Variants in DEGS2 observed in about 807,000 individuals in gnomAD.
DEGS2 encodes sphingolipid delta(4)-desaturase/C4-monooxygenase DES2.
A neutral mutation model predicts 23.8 loss-of-function variants in DEGS2; 19 were observed. The observed-to-expected ratio is 0.80, with a 90% CI of 0.56 to 1.17. DEGS2 has a LOEUF of 1.17. Among genes scored for constraint, DEGS2 ranks in the 50% most tolerant of loss-of-function variants. DEGS2 has a pLI of 0.00. For synonymous variants in DEGS2, 218 were observed against 213.7 expected, an observed-to-expected ratio of 1.02 and a Z score of -0.18; for missense variants, 390 against 459.5, an observed-to-expected ratio of 0.85 and a Z score of 1.38.
chr14:100,159,652 C>G (rs1232775797), upstream of DEGS2: 1 of 809,412 alleles, frequency 1.2e-6, no homozygotes, highest in Non-Finnish European at 1.6e-6. Context: ...TCGCGGCGGC[C>G]GCGGCGCGGA....
chr14:100,155,787 A>C (rs1302231885), intron 1 of DEGS2: 2 of 151,842 alleles, frequency 1.3e-5, no homozygotes, highest in Non-Finnish European at 2.9e-5. Context: ...GTTTTTCTTT[A>C]TTTGAATTTT....
chr14:100,146,355 G>A lies in DEGS2; in HGVS notation c.*406C>T. On this transcript the variant is annotated 3_prime_UTR_variant, in exon 3 of 3. Coordinates refer to ENST00000305631, the MANE Select transcript of DEGS2 (RefSeq NM_206918.3). ...AAGCTCCACTCATCGGGGCGGCCCAGCGCCCCATTCCCTGGGGCCAGGCTC... is the reference window on the plus strand; with the variant it reads ...AAGCTCCACTCATCGGGGCGGCCCAACGCCCCATTCCCTGGGGCCAGGCTC... 5.4e-6 allele frequency: 1 copy of A among 184,694 alleles called. No homozygotes were observed. The highest frequency in any genetic ancestry group is 1.1e-5 in the Non-Finnish European group (1 of 89,574). 11.4% of individuals were successfully genotyped at this position (184,694 alleles called of 1,614,324 possible).
chr14:100,146,706 G>A lies in DEGS2; in HGVS notation c.*55C>T. 1.9e-6 allele frequency: 3 copies of A among 1,595,540 alleles called. No individual in the cohort carries two copies. The highest frequency in any genetic ancestry group is 1.7e-6 in the Non-Finnish European group (2 of 1,171,054). ...AAATGTAGCTTCTCAGTGCTGGGGT[G>A]CAAGGCTGAGGGGCCGATGGGGGAC... On this transcript the variant is annotated 3_prime_UTR_variant, in exon 3 of 3. Transcript: ENST00000305631.
rs760826028 is a variant in DEGS2 at position 100,144,032 on chromosome 14, T to C, written c.*2729A>G. On this transcript the variant is annotated 3_prime_UTR_variant, in exon 3 of 3. Coordinates refer to ENST00000305631, the MANE Select transcript of DEGS2 (RefSeq NM_206918.3). ...TTTCTAGAGACGCCCCTAAGTCACC[T>C]GCTTCATTAGACGGTTTCCAGGTTT... The C allele has an allele frequency of 2.2e-6, 1 of 455,078 alleles. No individual in the cohort carries two copies. The highest frequency in any genetic ancestry group is 3.9e-6 in the Non-Finnish European group (1 of 254,964). The allele number at this position is 455,078 out of a possible 1,614,324, so 28.2% of individuals were successfully genotyped here.
rs1001031009 is a variant in DEGS2, at chr14:100,149,730, G to A, written c.83-20C>T. On this transcript the variant is annotated intron_variant, in intron 1 of 2. Coordinates refer to ENST00000305631, the MANE Select transcript of DEGS2 (RefSeq NM_206918.3). ...ACTTGGCTGCAAGGAAGACAGGGAG[G>A]TATGAGGCCCCGCTCGGTGGGGCTG... 13 of 1,580,100 alleles carry A rather than the reference G, an allele frequency of 8.2e-6. No individual in the cohort carries two copies. The highest frequency in any genetic ancestry group is 1.3e-5 in the African/African-American group (1 of 74,228).
At chr14:100,166,677 G>C in the DEGS2 span, among the ~76,000 whole-genome samples, 1 of 152,092 alleles carries the variant, frequency 6.6e-6, no homozygotes, top group South Asian at 2.1e-4. Context: ...CAGAGCCCTC[G>C]GAGGTCGGGT....
chr14:100,166,239 T>TGTCCGGGGGAGC, the DEGS2 span, among the ~76,000 whole-genome samples: 1 of 38,594 alleles, frequency 2.6e-5, no homozygotes, highest in Admixed American at 3.0e-4. Context: ...TCCAGGAGAG[T>TGTCCGGGGGAGC]GGGGGGAGCC....
chr14:100,146,635 G>T lies in DEGS2; in HGVS notation c.*126C>A. The stretch of plus-strand genomic sequence containing the variant: ...CTGCTGTTGCCAGGTGTGGCTGCGC[G>T]GGACACTCCTCGGGGACAAGGGCAG... On this transcript the variant is annotated 3_prime_UTR_variant, in exon 3 of 3. Transcript: ENST00000305631. 1 of 1,382,860 alleles carries T rather than the reference G, an allele frequency of 7.2e-7. No homozygotes were observed. The highest frequency in any genetic ancestry group is 1.4e-5 in the South Asian group (1 of 73,360). 85.7% of individuals were successfully genotyped at this position (1,382,860 alleles called of 1,614,324 possible).
intron 1 of DEGS2, 40 bp from the exon 2 acceptor site, chr14:100,149,750 G>C: frequency 6.4e-7 from 1 of 1,551,472 alleles, no homozygotes; most frequent in East Asian, 2.3e-5. Flanking sequence ...CCGCTCGGTG[G>C]GGCTGCACCC....
At chr14:100,160,447 C>T (rs1207775025), upstream of DEGS2, among the ~76,000 whole-genome samples, 1 of 152,178 alleles carries the variant, frequency 6.6e-6, no homozygotes, top group Non-Finnish European at 1.5e-5. Flanking sequence ...CAGATGCAAA[C>T]GCTTGGAAAC....
At chr14:100,159,062 A>T (rs2140426528) in intron 1 of DEGS2, among the ~76,000 whole-genome samples, 1 of 152,300 alleles carries the variant, frequency 6.6e-6, no homozygotes, top group East Asian at 1.9e-4. Context: ...CGTGGCCGCG[A>T]GACCCAGGGG....
upstream of DEGS2, among the ~76,000 whole-genome samples, chr14:100,163,117 A>G (rs1889768641): frequency 6.6e-6 from 1 of 152,224 alleles, no homozygotes; most frequent in African/African-American, 2.4e-5. Flanking sequence ...AGACTGAGCT[A>G]GAGATAGACA....
chr14:100,147,057 ATGGGTG>A, intron 2 of DEGS2, 150 bp from the exon 3 acceptor site: 1 of 856,014 alleles, frequency 1.2e-6, no homozygotes, highest in Non-Finnish European at 1.7e-6. Context: ...ACACACACAC[ATGGGTG>A]TACATAATGC....
chr14:100,147,038 C>T (rs553640309), intron 2 of DEGS2, 131 bp from the exon 3 acceptor site: 266 of 1,044,850 alleles, frequency 2.5e-4, no homozygotes, highest in Non-Finnish European at 3.5e-4. Context: ...TTTGCGCGCG[C>T]GCACACCCAC....
At chr14:100,165,471 C>T in the DEGS2 span, among the ~76,000 whole-genome samples, 33 of 152,366 alleles carry the variant, frequency 2.2e-4, no homozygotes, top group South Asian at 1.0e-3. Flanking sequence ...CGGCAACATC[C>T]CCTGATTTGT....
chr14:100,161,607 C>G (rs1359960532), upstream of DEGS2, among the ~76,000 whole-genome samples: 1 of 152,098 alleles, frequency 6.6e-6, no homozygotes, highest in African/African-American at 2.4e-5. Context: ...TAAGGAAAGC[C>G]TAGTAAAGCT....
chr14:100,158,366 G>C (rs900961601), intron 1 of DEGS2, among the ~76,000 whole-genome samples: 31 of 151,228 alleles, frequency 2.0e-4, no homozygotes, highest in African/African-American at 6.8e-4. Context: ...AGCTAAGATC[G>C]CGCCTAGCCA....
rs995593807 is a variant in DEGS2 at position 100,149,768 on chromosome 14, C to T, written c.83-58G>A. The stretch of plus-strand genomic sequence containing the variant: ...CTCGGTGGGGCTGCACCCCGCCCTC[C>T]TCCGCTCCCACTGCAGTGGCCGAGG... On this transcript the variant is annotated intron_variant, in intron 1 of 2. Coordinates refer to ENST00000305631, the MANE Select transcript of DEGS2 (RefSeq NM_206918.3). 1.9e-5 allele frequency: 29 copies of T among 1,515,284 alleles called. No homozygotes were observed. The African/African-American group carries it at 2.6e-4, about 14-fold the overall frequency. The allele number at this position is 1,515,284 out of a possible 1,614,324, so 93.9% of individuals were successfully genotyped here.
At chr14:100,163,489 G>T (rs1889772998), upstream of DEGS2, among the ~76,000 whole-genome samples, 1 of 152,022 alleles carries the variant, frequency 6.6e-6, no homozygotes, top group African/African-American at 2.4e-5. Flanking sequence ...CCCCTCTATT[G>T]AAACGGAGCC....
Sources: allele counts gnomAD v4.1 joint callset (sites outside exome capture counted in the v4.1 genomes callset), GRCh38; gene constraint gnomAD v4.1.1; transcripts MANE v1.5; gene names NCBI Gene and HGNC (gene_info 2026-07-23, HGNC 2026-07-21).